ROBO1: variants seen among roughly 807,000 people sequenced by gnomAD.
ROBO1 encodes roundabout homolog 1.
In ROBO1, 149 loss-of-function variants were observed where a neutral mutation model predicts 195.9. The ratio of observed to expected loss-of-function variants is 0.76; its 90% CI spans 0.67 to 0.87. The LOEUF (loss-of-function observed/expected upper bound fraction) is 0.87, where lower values mean the gene tolerates loss of function less well. ROBO1 is among the 40% of genes least tolerant of loss of function. The pLI, the probability that ROBO1 is intolerant of heterozygous loss-of-function variation, is 0.00. For synonymous variants in ROBO1, 816 were observed against 733.2 expected, an observed-to-expected ratio of 1.11 and a Z score of -1.82; for missense variants, 1,933 against 2,068.3, an observed-to-expected ratio of 0.93 and a Z score of 1.27.
chr3:79,037,692 A>G (rs1197565318), intron 3 of ROBO1, among the ~76,000 whole-genome samples: 1 of 152,204 alleles, frequency 6.6e-6, no homozygotes, highest in East Asian at 1.9e-4. Context: ...AGAGAAATAA[A>G]TATCAGAAGT....
At chr3:79,366,473 T>A (rs980645724) in intron 2 of ROBO1, among the ~76,000 whole-genome samples, 4 of 152,162 alleles carry the variant, frequency 2.6e-5, no homozygotes, top group Non-Finnish European at 5.9e-5. Flanking sequence ...ACCACTCTAC[T>A]GCAAGTCCTC....
At chr3:79,635,031 A>AT (rs1945457233) in intron 1 of ROBO1, among the ~76,000 whole-genome samples, 1 of 152,210 alleles carries the variant, frequency 6.6e-6, no homozygotes, top group African/African-American at 2.4e-5. Flanking sequence ...ATAACAACGT[A>AT]TAAGATTGTG....
At chr3:79,085,936 A>G (rs1380413040) in intron 3 of ROBO1, among the ~76,000 whole-genome samples, 1 of 152,174 alleles carries the variant, frequency 6.6e-6, no homozygotes, top group Non-Finnish European at 1.5e-5. Flanking sequence ...ATTTTAACCA[A>G]TGTGATAAAG....
chr3:78,887,778 G>C (rs1170821968), intron 4 of ROBO1, among the ~76,000 whole-genome samples: 2 of 152,066 alleles, frequency 1.3e-5, no homozygotes, highest in African/African-American at 4.8e-5. Flanking sequence ...CTGGTTGCTT[G>C]AGATCTGAAT....
intron 3 of ROBO1, among the ~76,000 whole-genome samples, chr3:78,959,020 C>T (rs1054999956): frequency 6.6e-6 from 1 of 151,888 alleles, no homozygotes; most frequent in Non-Finnish European, 1.5e-5. Flanking sequence ...CCAGGTGGGT[C>T]TCCAACTCCT....
intron 4 of ROBO1, among the ~76,000 whole-genome samples, chr3:78,839,330 T>C (rs2033001622): frequency 6.6e-6 from 1 of 152,024 alleles, no homozygotes; most frequent in African/African-American, 2.4e-5. Context: ...TGTATAATAA[T>C]GTATGATGTA....
chr3:79,521,074 A>C (rs1249396055), intron 2 of ROBO1, among the ~76,000 whole-genome samples: 1 of 152,166 alleles, frequency 6.6e-6, no homozygotes, highest in Non-Finnish European at 1.5e-5. Context: ...TTCAAAGTGC[A>C]AGCCTACAGA....
At chr3:78,859,183 T>G (rs917260778) in intron 4 of ROBO1, among the ~76,000 whole-genome samples, 1 of 152,140 alleles carries the variant, frequency 6.6e-6, no homozygotes, top group Non-Finnish European at 1.5e-5. Context: ...CCGATAGAGC[T>G]GGAGTGTGTT....
At chr3:78,601,057 T>C (rs1300452483) in intron 29 of ROBO1, among the ~76,000 whole-genome samples, 1 of 152,144 alleles carries the variant, frequency 6.6e-6, no homozygotes, top group East Asian at 1.9e-4. Flanking sequence ...GTGCTACTTC[T>C]ACTGATGCAT....
At chr3:78,754,223 T>G (rs958503664) in intron 4 of ROBO1, among the ~76,000 whole-genome samples, 1 of 152,184 alleles carries the variant, frequency 6.6e-6, no homozygotes, top group Non-Finnish European at 1.5e-5. Context: ...TTAGTCACTA[T>G]GTAAGGAATT....
intron 2 of ROBO1, among the ~76,000 whole-genome samples, chr3:79,314,887 T>C (rs2033664762): frequency 6.6e-6 from 1 of 152,218 alleles, no homozygotes; most frequent in African/African-American, 2.4e-5. Context: ...TCTATTCTAA[T>C]AGCTGTTAAG....
chr3:79,242,801 G>A (rs113807359), intron 2 of ROBO1, among the ~76,000 whole-genome samples: 4,668 of 152,158 alleles, frequency 0.031, 211 homozygotes, highest in African/African-American at 0.1. Context: ...TTGACTGTCT[G>A]TGATGTCCCA....
chr3:78,785,148 G>A lies in ROBO1; in HGVS notation c.500-38248C>T, dbSNP rs577803142. Among the ~76,000 whole-genome samples the A allele has an allele frequency of 7.9e-5, 12 of 152,302 alleles. No homozygotes were observed. The South Asian group carries it at 8.3e-4, about 11-fold the overall frequency. On this transcript the variant is annotated intron_variant, in intron 4 of 30. Coordinates refer to ENST00000464233, the MANE Select transcript of ROBO1 (RefSeq NM_002941.4). ...GGAGTGCTTTTGCATCAACTGCAAC[G>A]ATATAAAGTCTAAGATTATAATCCT... is the stretch of plus-strand genomic sequence containing the variant.
intron 4 of ROBO1, among the ~76,000 whole-genome samples, chr3:78,922,817 C>A (rs987973613): frequency 2.0e-5 from 3 of 151,884 alleles, no homozygotes; most frequent in Admixed American, 2.0e-4. Context: ...ACCATAGTCT[C>A]GAACTCCTGA....
chr3:78,661,220 G>A lies in ROBO1; in HGVS notation c.2130C>T (p.Leu710=), dbSNP rs752758109. Residue 710 remains leucine (L), a synonymous_variant, in exon 16 of 31, where the codon CTC becomes CTT. Transcript: ENST00000464233. The stretch of plus-strand genomic sequence containing the variant: ...CGTGGTTGGCTCCAGATGGCCGATA[G>A]AGAATTTTATATCCTTGTATATACT... ...QSQYIQGYKI[L]YRPSGANHGE... 2 of 1,612,788 alleles carry A rather than the reference G, an allele frequency of 1.2e-6. No homozygotes were observed. Among genetic ancestry groups the A allele is most frequent in the South Asian group, 2.2e-5 (2 of 90,850 alleles).
At chr3:79,729,527 C>G (rs1703060454) in intron 1 of ROBO1, among the ~76,000 whole-genome samples, 1 of 152,124 alleles carries the variant, frequency 6.6e-6, no homozygotes, top group South Asian at 2.1e-4. Context: ...TGTTTCCAAT[C>G]CTTGGAAAAG....
chr3:79,683,697 A>C (rs2106998993), intron 1 of ROBO1, among the ~76,000 whole-genome samples: 1 of 152,210 alleles, frequency 6.6e-6, no homozygotes, highest in African/African-American at 2.4e-5. Context: ...ATGGAATTAT[A>C]CAATATCTGG....
chr3:79,650,096 A>G (rs894450301), intron 1 of ROBO1, among the ~76,000 whole-genome samples: 1 of 152,064 alleles, frequency 6.6e-6, no homozygotes, highest in Non-Finnish European at 1.5e-5. Context: ...TAAGATGAAA[A>G]TATAATTGAG....
intron 3 of ROBO1, among the ~76,000 whole-genome samples, chr3:79,035,102 A>G (rs1200028827): frequency 1.3e-5 from 2 of 152,096 alleles, no homozygotes; most frequent in African/African-American, 2.4e-5. Flanking sequence ...TAGTGTGAGG[A>G]ATATATATTT....
Sources: gnomAD v4.1 joint callset for allele counts (sites outside exome capture counted in the v4.1 genomes callset) on GRCh38, gnomAD v4.1.1 for gene constraint, MANE v1.5 for transcripts, NCBI Gene and HGNC (gene_info 2026-07-23, HGNC 2026-07-21) for gene names.